GRIK4: variants seen among roughly 807,000 people sequenced by gnomAD.
The protein encoded by GRIK4 is glutamate receptor ionotropic, kainate 4.
A neutral mutation model predicts 104.9 loss-of-function variants in GRIK4; 40 were observed. That is an observed-to-expected ratio of 0.38 (90% CI 0.30 to 0.50). The LOEUF (loss-of-function observed/expected upper bound fraction) is 0.50. Among genes scored for constraint, GRIK4 ranks in the 20% least tolerant of loss-of-function variants. The probability of loss-of-function intolerance (pLI) is 0.93; values close to 1 mark genes in which losing one functional copy is unlikely to be tolerated. For missense variants in GRIK4, 1,047 were observed against 1,308.1 expected (o/e 0.80, Z 3.08); for synonymous variants, 485 against 524.9 (o/e 0.92, Z 1.04).
At chr11:120,571,839 A>G (rs769639474) in intron 1 of GRIK4, among the ~76,000 whole-genome samples, 5 of 152,130 alleles carry the variant, frequency 3.3e-5, no homozygotes, top group African/African-American at 9.7e-5. Context: ...TTCCTGGGTG[A>G]ACGACCTACT....
In GRIK4 at chr11:120,795,683, T is replaced by C. The variant is rs113133890; in HGVS notation, c.83-7010T>C. On this transcript the variant is annotated intron_variant, in intron 3 of 20. Coordinates refer to ENST00000527524, the MANE Select transcript of GRIK4 (RefSeq NM_014619.5). ...GTCTAATGAAGGGTACAGAGGAATT[T>C]CTGTGGGAGTTCAAAGGAAGGGAAA... 8.1e-3 allele frequency among the ~76,000 whole-genome samples: 1,227 copies of C among 152,276 alleles called. 13 individuals carry two copies. Among genetic ancestry groups the C allele is most frequent in the African/African-American group, 0.027 (1,121 of 41,548 alleles).
At chr11:120,858,166 A>C (rs1328900780) in intron 8 of GRIK4, 1 of 152,224 alleles carries the variant, frequency 6.6e-6, no homozygotes, top group African/African-American at 2.4e-5. Context: ...TGAAGGTTAC[A>C]ACCAGCCAGG....
At chr11:120,811,028 C>T (rs182141862) in intron 4 of GRIK4, among the ~76,000 whole-genome samples, 31 of 152,240 alleles carry the variant, frequency 2.0e-4, no homozygotes, top group African/African-American at 7.0e-4. Flanking sequence ...CCCACAGACC[C>T]CAGGCTACAG....
At chr11:120,678,887 C>T (rs1950145813) in intron 3 of GRIK4, among the ~76,000 whole-genome samples, 1 of 151,842 alleles carries the variant, frequency 6.6e-6, no homozygotes, top group Admixed American at 6.6e-5. Flanking sequence ...CATGCCTCGG[C>T]CTCCCAAAGT....
At position 120,952,818 on chromosome 11, in the gene GRIK4, T is replaced by C. The variant is rs1282639786; in HGVS notation, c.1591-37T>C. On this transcript the variant is annotated intron_variant, in intron 14 of 20. Transcript: ENST00000527524. The surrounding 1 kb of genome is among the most constrained non-coding windows in gnomAD (Gnocchi z 5.2). ...CTGCCCCAAGGTCATGTTGACTGAA[T>C]ATGTGCGGTGAATCTTGTTTTTCTC... 1 of 1,397,254 alleles carries C rather than the reference T, an allele frequency of 7.2e-7. No homozygotes were observed. The highest frequency in any genetic ancestry group is 1.4e-5 in the African/African-American group (1 of 71,276). 86.6% of individuals were successfully genotyped at this position (1,397,254 alleles called of 1,614,324 possible).
chr11:120,985,850 G>A, intron 20 of GRIK4, 54 bp from the exon 21 acceptor site: 2 of 1,523,294 alleles, frequency 1.3e-6, no homozygotes, highest in Non-Finnish European at 1.8e-6. Flanking sequence ...GACTCGCAGG[G>A]GGCCCACGGG....
At chr11:120,674,418 G>C (rs1016277897) in intron 3 of GRIK4, among the ~76,000 whole-genome samples, 2 of 152,166 alleles carry the variant, frequency 1.3e-5, no homozygotes, top group African/African-American at 2.4e-5. Flanking sequence ...ACATCCCCCT[G>C]CCCTGGCTCT....
At chr11:120,860,322 C>T (rs930832433) in intron 8 of GRIK4, among the ~76,000 whole-genome samples, 4 of 152,152 alleles carry the variant, frequency 2.6e-5, no homozygotes, top group Non-Finnish European at 4.4e-5. Flanking sequence ...TGACTGGTTT[C>T]GCTGTACAGG....
At chr11:120,620,023 G>A (rs10502238) in intron 1 of GRIK4, 4 of 560,604 alleles carry the variant, frequency 7.1e-6, no homozygotes, top group African/African-American at 3.8e-5. Flanking sequence ...TGTTAGCGTA[G>A]TGAACCTGTG....
chr11:120,958,559 G>A (rs954265268), intron 16 of GRIK4, among the ~76,000 whole-genome samples: 5 of 152,254 alleles, frequency 3.3e-5, no homozygotes, highest in Admixed American at 6.5e-5. Context: ...CCCAGAGCAC[G>A]TGATAGAAAA....
chr11:120,728,552 G>A (rs1417972724), intron 3 of GRIK4, among the ~76,000 whole-genome samples: 4 of 152,056 alleles, frequency 2.6e-5, no homozygotes, highest in East Asian at 1.9e-4. Context: ...TTAAAAATGG[G>A]GAGAATAGAG....
At chr11:120,889,589 A>ATTTTTTTTTTTT (rs369264259) in intron 11 of GRIK4, among the ~76,000 whole-genome samples, 10 of 62,494 alleles carry the variant, frequency 1.6e-4, no homozygotes, top group African/African-American at 2.4e-4. Flanking sequence ...AAGAGCTTAC[A>ATTTTTTTTTTTT]TTTTTTTTTT....
At chr11:120,882,554 A>C (rs1037584974) in intron 11 of GRIK4, among the ~76,000 whole-genome samples, 5 of 152,208 alleles carry the variant, frequency 3.3e-5, no homozygotes, top group Non-Finnish European at 5.9e-5. Context: ...GAGGGAGCAG[A>C]AAAAGAGATG....
intron 9 of GRIK4, among the ~76,000 whole-genome samples, chr11:120,867,047 G>T (rs112913306): frequency 4.6e-5 from 7 of 152,242 alleles, no homozygotes; most frequent in African/African-American, 1.4e-4. Context: ...TCTGAGGTCA[G>T]CACTCCAATA....
At chr11:120,815,128 C>T (rs1462732835) in intron 4 of GRIK4, among the ~76,000 whole-genome samples, 4 of 152,250 alleles carry the variant, frequency 2.6e-5, no homozygotes, top group African/African-American at 9.6e-5. Context: ...TGGCTATGGC[C>T]GTATGTTGTC....
At chr11:120,744,244 C>G (rs528980855) in intron 3 of GRIK4, among the ~76,000 whole-genome samples, 2 of 152,288 alleles carry the variant, frequency 1.3e-5, no homozygotes, top group East Asian at 1.9e-4. Context: ...CCATCAGACT[C>G]TGCCGCAAAC....
intron 1 of GRIK4, among the ~76,000 whole-genome samples, chr11:120,579,227 C>CG (rs993011866): frequency 7.7e-6 from 1 of 129,302 alleles, no homozygotes; most frequent in Non-Finnish European, 1.6e-5. Flanking sequence ...ACAAAATAAC[C>CG]CCCCCCCCTT....
intron 8 of GRIK4, among the ~76,000 whole-genome samples, chr11:120,840,767 C>G (rs1217117503): frequency 1.3e-5 from 2 of 152,214 alleles, no homozygotes; most frequent in African/African-American, 4.8e-5. Flanking sequence ...GCCTGCCTGC[C>G]TTTGTTTGCA....
At chr11:120,622,298 T>G (rs1204679846) in intron 1 of GRIK4, among the ~76,000 whole-genome samples, 1 of 152,208 alleles carries the variant, frequency 6.6e-6, no homozygotes, top group Non-Finnish European at 1.5e-5. Flanking sequence ...TAGGTACTAT[T>G]ACTACCCCCA....
Sources: allele counts gnomAD v4.1 joint callset (sites outside exome capture counted in the v4.1 genomes callset), GRCh38; gene constraint gnomAD v4.1.1; non-coding constraint Gnocchi (gnomAD v3.1); transcripts MANE v1.5; gene names NCBI Gene and HGNC (gene_info 2026-07-23, HGNC 2026-07-21).